EVA1A: variants seen among roughly 807,000 people sequenced by gnomAD.
EVA1A encodes the protein eva-1 homolog A, regulator of programmed cell death, also known as protein eva-1 homolog A.
EVA1A carries 7 observed loss-of-function variants against 9.8 expected under a neutral mutation model. That is an observed-to-expected ratio of 0.71 (90% CI 0.41 to 1.34). EVA1A has a LOEUF of 1.34. Ranked by LOEUF, EVA1A falls within the 40% of genes most tolerant of loss-of-function variation. The pLI, the probability that EVA1A is intolerant of heterozygous loss-of-function variation, is 0.01. For synonymous variants in EVA1A, 90 were observed against 85.6 expected, an observed-to-expected ratio of 1.05 and a Z score of -0.28; for missense variants, 206 against 205.9, an observed-to-expected ratio of 1.00 and a Z score of 0.00.
intron 3 of EVA1A, among the ~76,000 whole-genome samples, chr2:75,514,226 C>T (rs531081507): frequency 6.6e-6 from 1 of 152,180 alleles, no homozygotes; most frequent in African/African-American, 2.4e-5. Context: ...CGACCCAAAC[C>T]AGTTGGATAT....
At chr2:75,557,037 C>G (rs527347313) in intron 1 of EVA1A, among the ~76,000 whole-genome samples, 9 of 152,074 alleles carry the variant, frequency 5.9e-5, no homozygotes, top group African/African-American at 2.2e-4. Flanking sequence ...TTTCCCTGGC[C>G]CCTAAAAAAC....
chr2:75,505,316 T>TATAA (rs1367980644), intron 3 of EVA1A, among the ~76,000 whole-genome samples: 5 of 152,164 alleles, frequency 3.3e-5, no homozygotes, highest in Admixed American at 6.5e-5. Flanking sequence ...ATAACCATTA[T>TATAA]CTTTCCCACG....
intron 3 of EVA1A, among the ~76,000 whole-genome samples, chr2:75,506,783 T>C (rs1195959100): frequency 6.6e-6 from 1 of 152,160 alleles, no homozygotes; most frequent in Non-Finnish European, 1.5e-5. Flanking sequence ...CCCAGTGAAG[T>C]GCTGGGGTGG....
chr2:75,541,479 G>A (rs1295788933), intron 1 of EVA1A, among the ~76,000 whole-genome samples: 1 of 152,186 alleles, frequency 6.6e-6, no homozygotes, highest in African/African-American at 2.4e-5. Flanking sequence ...CAGAATTGAT[G>A]CCCTAATCTC....
At chr2:75,555,173 G>A (rs1232783153) in intron 1 of EVA1A, among the ~76,000 whole-genome samples, 1 of 152,176 alleles carries the variant, frequency 6.6e-6, no homozygotes. Context: ...CATGCAAATG[G>A]CTTTGGGCTC....
chr2:75,492,411 T>TTA lies in EVA1A; in HGVS notation c.*824_*825insTA, dbSNP rs1553414706. On this transcript the variant is annotated 3_prime_UTR_variant, in exon 4 of 4. Transcript: ENST00000393913. ...TCCATTCTTTTCTTTGAAATCCAAT[T>TTA]AAAAAAAAAAAAAAAAACAAAGTGT... 27,033 of 138,304 alleles carry TTA rather than the reference T, an allele frequency of 0.2. 2,869 individuals are homozygous for TTA. Among genetic ancestry groups the TTA allele is most frequent in the African/African-American group, 0.27 (10,155 of 37,594 alleles). 8.6% of individuals were successfully genotyped at this position (138,304 alleles called of 1,614,324 possible).
intron 3 of EVA1A, among the ~76,000 whole-genome samples, chr2:75,494,461 C>T (rs541593746): frequency 1.3e-5 from 2 of 152,320 alleles, no homozygotes; most frequent in Non-Finnish European, 2.9e-5. Flanking sequence ...CTCTCCTTCT[C>T]TGGGGCTCTT....
intron 1 of EVA1A, among the ~76,000 whole-genome samples, chr2:75,549,716 C>G (rs79275136): frequency 2.0e-5 from 3 of 152,182 alleles, no homozygotes; most frequent in Admixed American, 2.0e-4. Context: ...TTCAGCTGAG[C>G]TGCTGCTTTG....
At chr2:75,526,834 G>A (rs1445379583) in intron 1 of EVA1A, among the ~76,000 whole-genome samples, 4 of 152,206 alleles carry the variant, frequency 2.6e-5, no homozygotes, top group Non-Finnish European at 5.9e-5. Flanking sequence ...ATATTAACAG[G>A]AGAGTGACAT....
intron 2 of EVA1A, among the ~76,000 whole-genome samples, chr2:75,519,181 G>A (rs1675144640): frequency 6.6e-6 from 1 of 152,198 alleles, no homozygotes; most frequent in African/African-American, 2.4e-5. Context: ...GCACGAAGTG[G>A]GAGAGAGGTG....
intron 1 of EVA1A, among the ~76,000 whole-genome samples, chr2:75,530,127 G>A (rs1178282188): frequency 1.3e-5 from 2 of 152,146 alleles, no homozygotes; most frequent in Non-Finnish European, 2.9e-5. Context: ...ACACCTTTAT[G>A]CGCACAGACT....
chr2:75,513,416 T>A (rs1348103302), intron 3 of EVA1A, among the ~76,000 whole-genome samples: 10 of 152,358 alleles, frequency 6.6e-5, no homozygotes, highest in East Asian at 5.8e-4. Context: ...ATACTTCTCA[T>A]ATCTTCCTCC....
intron 1 of EVA1A, among the ~76,000 whole-genome samples, chr2:75,526,940 A>T (rs191836139): frequency 6.6e-6 from 1 of 152,304 alleles, no homozygotes; most frequent in East Asian, 1.9e-4. Context: ...TGGGGGTTCA[A>T]CTCAGTAGTC....
At chr2:75,521,646 G>A (rs764354980) in intron 2 of EVA1A, among the ~76,000 whole-genome samples, 12 of 152,262 alleles carry the variant, frequency 7.9e-5, no homozygotes, top group South Asian at 6.2e-4. Context: ...AGAAAGTAGC[G>A]GTTGTCAGGA....
upstream of EVA1A, chr2:75,560,966 T>G (rs1211199474): frequency 6.6e-6 from 1 of 152,318 alleles, no homozygotes; most frequent in Non-Finnish European, 1.5e-5. Flanking sequence ...CTCATTTCCT[T>G]CGATCTCCCC....
chr2:75,501,033 A>G (rs76062662), intron 3 of EVA1A, among the ~76,000 whole-genome samples: 6,618 of 152,088 alleles, frequency 0.044, 491 homozygotes, highest in African/African-American at 0.15. Flanking sequence ...ACAAAAAAAA[A>G]AAAAAGAGGG....
intron 2 of EVA1A, among the ~76,000 whole-genome samples, chr2:75,521,394 A>G (rs978328765): frequency 6.6e-6 from 1 of 152,232 alleles, no homozygotes; most frequent in African/African-American, 2.4e-5. Context: ...CAATGTTCAG[A>G]GCTGCATTAT....
chr2:75,551,732 C>T (rs1676530396), intron 1 of EVA1A, among the ~76,000 whole-genome samples: 7 of 152,218 alleles, frequency 4.6e-5, no homozygotes, highest in Admixed American at 4.6e-4. Flanking sequence ...AGTAGTCCTT[C>T]CTAACAATGG....
rs146446197 is a variant in EVA1A, at chr2:75,554,755, T to C, written c.-192+5925A>G. Among the ~76,000 whole-genome samples, 679 of 152,192 alleles carry C rather than the reference T, an allele frequency of 4.5e-3. 3 individuals are homozygous for C. The highest frequency in any genetic ancestry group is 0.016 in the African/African-American group (648 of 41,520). On this transcript the variant is annotated intron_variant, in intron 1 of 3. Coordinates refer to ENST00000393913, the MANE Select transcript of EVA1A (RefSeq NM_001135032.2). ...GCCTGGCACCCACCCCAGGTTATAA[T>C]TGATCTCTAGGAACCACTCCTGGGA...
Sources: gnomAD v4.1 joint callset for allele counts (sites outside exome capture counted in the v4.1 genomes callset) on GRCh38, gnomAD v4.1.1 for gene constraint, MANE v1.5 for transcripts, NCBI Gene and HGNC (gene_info 2026-07-23, HGNC 2026-07-21) for gene names.